C1GALT1: variants seen among roughly 807,000 people sequenced by gnomAD.
C1GALT1 encodes the protein core 1 synthase, glycoprotein-N-acetylgalactosamine 3-beta-galactosyltransferase 1.
In C1GALT1, 11 loss-of-function variants were observed where a neutral mutation model predicts 31.0. That is an observed-to-expected ratio of 0.36 (90% CI 0.22 to 0.59). The LOEUF is 0.59. Ranked by LOEUF, C1GALT1 falls within the 20% of genes least tolerant of loss-of-function variation. The pLI is 0.79. For synonymous variants in C1GALT1, 175 were observed against 143.6 expected, an observed-to-expected ratio of 1.22 and a Z score of -1.56; for missense variants, 424 against 425.2, an observed-to-expected ratio of 1.00 and a Z score of 0.03.
intron 1 of C1GALT1, among the ~76,000 whole-genome samples, chr7:7,211,207 A>G (rs1781988906): frequency 1.3e-5 from 2 of 152,212 alleles, no homozygotes; most frequent in Non-Finnish European, 2.9e-5. Context: ...CCCAGATATC[A>G]ATACAAGACA....
chr7:7,195,775 T>TC (rs1781259493), intron 1 of C1GALT1, among the ~76,000 whole-genome samples: 1 of 152,170 alleles, frequency 6.6e-6, no homozygotes, highest in East Asian at 1.9e-4. Flanking sequence ...AGTATTAAAG[T>TC]CCCCCACTAT....
At chr7:7,243,324 C>A (rs1476163943) in intron 3 of C1GALT1, among the ~76,000 whole-genome samples, 200 bp from the exon 4 acceptor site, 3 of 152,096 alleles carry the variant, frequency 2.0e-5, no homozygotes, top group Non-Finnish European at 2.9e-5. Flanking sequence ...TCACCAATTT[C>A]AATTGGTTTT....
intron 1 of C1GALT1, among the ~76,000 whole-genome samples, chr7:7,218,094 G>C (rs950363473): frequency 1.3e-5 from 2 of 152,202 alleles, no homozygotes; most frequent in Non-Finnish European, 2.9e-5. Flanking sequence ...TTGGCCGTGG[G>C]AGTTAGGAAA....
At chr7:7,240,495 G>C (rs951202037) in intron 3 of C1GALT1, among the ~76,000 whole-genome samples, 1 of 152,006 alleles carries the variant, frequency 6.6e-6, no homozygotes, top group African/African-American at 2.4e-5. Context: ...AAGATGACTT[G>C]ATCTTTTTTC....
chr7:7,184,394 T>G (rs1325452049), intron 1 of C1GALT1, among the ~76,000 whole-genome samples: 2 of 152,222 alleles, frequency 1.3e-5, no homozygotes, highest in Non-Finnish European at 2.9e-5. Context: ...TTTAGAAATA[T>G]TTTGTGTTTC....
chr7:7,182,879 T>G (rs1780645591), intron 1 of C1GALT1, 59 bp downstream of exon 1: 1 of 976,256 alleles, frequency 1.0e-6, no homozygotes, highest in Non-Finnish European at 1.2e-6. Context: ...CCCCTCGCCC[T>G]CCCCCCTCTC....
intron 1 of C1GALT1, among the ~76,000 whole-genome samples, chr7:7,198,780 G>T (rs910700872): frequency 6.6e-6 from 1 of 152,166 alleles, no homozygotes; most frequent in Non-Finnish European, 1.5e-5. Context: ...TATGTGTCCA[G>T]GAATTTATCC....
rs1783081503 is a variant in C1GALT1, at chr7:7,231,709, T to G, written c.-17-2594T>G. On this transcript the variant is annotated intron_variant, in intron 1 of 3. Transcript: ENST00000436587. The stretch of plus-strand genomic sequence containing the variant: ...TGGCTCTGTTTCTATTGTCTACTTT[T>G]TTGTGTTTAGCCGTAATTTTCATCT... 3.3e-5 allele frequency among the ~76,000 whole-genome samples: 5 copies of G among 152,304 alleles called. No homozygotes were observed. The South Asian group carries it at 8.3e-4, about 25-fold the overall frequency.
chr7:7,240,617 G>A (rs1246098679), intron 3 of C1GALT1, among the ~76,000 whole-genome samples: 1 of 152,040 alleles, frequency 6.6e-6, no homozygotes, highest in Non-Finnish European at 1.5e-5. Context: ...ATCTGATGTT[G>A]GATACACATA....
chr7:7,164,707 A>G (rs572453034), intron 2 of C1GALT1, among the ~76,000 whole-genome samples: 9 of 152,200 alleles, frequency 5.9e-5, no homozygotes, highest in African/African-American at 1.7e-4. Context: ...GGAAAGCTCT[A>G]TTTTTAATAC....
chr7:7,207,335 CTTTTTTTTTTTTTTTT>C (rs57510429), intron 1 of C1GALT1, among the ~76,000 whole-genome samples: 2 of 47,972 alleles, frequency 4.2e-5, no homozygotes, highest in African/African-American at 8.0e-5. Context: ...TACTCTGTTG[CTTTTTTTTTTTTTTTT>C]TTTTTTTTTT....
chr7:7,161,224 A>G (rs544023754), intron 2 of C1GALT1, among the ~76,000 whole-genome samples: 1 of 152,256 alleles, frequency 6.6e-6, no homozygotes, highest in South Asian at 2.1e-4. Flanking sequence ...AAATTCTCAG[A>G]AACGTTTGCT....
At chr7:7,185,135 A>T (rs1717604578) in intron 1 of C1GALT1, among the ~76,000 whole-genome samples, 1 of 152,202 alleles carries the variant, frequency 6.6e-6, no homozygotes, top group Non-Finnish European at 1.5e-5. Flanking sequence ...GATTTAGGGA[A>T]GCACATAAGA....
intron 1 of C1GALT1, among the ~76,000 whole-genome samples, 190 bp downstream of exon 1, chr7:7,183,010 C>G (rs904300079): frequency 1.9e-4 from 29 of 152,224 alleles, no homozygotes; most frequent in Non-Finnish European, 3.1e-4. Flanking sequence ...GGACTTCCCG[C>G]TCCCGGAGCC....
At chr7:7,184,568 G>A (rs1435937449) in intron 1 of C1GALT1, among the ~76,000 whole-genome samples, 2 of 152,166 alleles carry the variant, frequency 1.3e-5, no homozygotes, top group African/African-American at 4.8e-5. Context: ...CTAGGCACAT[G>A]CTACTATTTG....
chr7:7,218,019 G>A (rs562622742), intron 1 of C1GALT1, among the ~76,000 whole-genome samples: 1 of 152,274 alleles, frequency 6.6e-6, no homozygotes, highest in East Asian at 1.9e-4. Context: ...GAGCTTTACT[G>A]ATGAGTATAT....
chr7:7,239,027 C>A, intron 3 of C1GALT1, 105 bp downstream of exon 3: 1 of 911,118 alleles, frequency 1.1e-6, no homozygotes, highest in Non-Finnish European at 1.6e-6. Flanking sequence ...ACAACAAGGA[C>A]TCTTCCTTAG....
At chr7:7,193,103 G>A (rs1437185238) in intron 1 of C1GALT1, among the ~76,000 whole-genome samples, 1 of 151,990 alleles carries the variant, frequency 6.6e-6, no homozygotes, top group Non-Finnish European at 1.5e-5. Context: ...CACTCTGTGG[G>A]TTGTCTGTTT....
At chr7:7,213,763 G>C (rs1375713829) in intron 1 of C1GALT1, among the ~76,000 whole-genome samples, 1 of 152,068 alleles carries the variant, frequency 6.6e-6, no homozygotes, top group Non-Finnish European at 1.5e-5. Context: ...TATCCACTTT[G>C]ACCATGAGGT....
Sources: allele counts gnomAD v4.1 joint callset (sites outside exome capture counted in the v4.1 genomes callset), GRCh38; gene constraint gnomAD v4.1.1; transcripts MANE v1.5; gene names NCBI Gene and HGNC (gene_info 2026-07-23, HGNC 2026-07-21).